LPP: variants seen among roughly 807,000 people sequenced by gnomAD.
LPP encodes lipoma-preferred partner.
A neutral mutation model predicts 60.4 loss-of-function variants in LPP; 38 were observed. The ratio of observed to expected loss-of-function variants is 0.63; its 90% confidence interval spans 0.49 to 0.83. The LOEUF is 0.83. Among genes scored for constraint, LPP ranks in the 40% least tolerant of loss-of-function variants. The pLI, the probability that LPP is intolerant of heterozygous loss-of-function variation, is 0.00. For missense variants in LPP, 902 were observed against 783.6 expected (o/e 1.15, Z -1.80); for synonymous variants, 328 against 290.8 (o/e 1.13, Z -1.30).
chr3:188,419,530 C>T (rs773037648), intron 4 of LPP, among the ~76,000 whole-genome samples: 1 of 152,140 alleles, frequency 6.6e-6, no homozygotes, highest in Non-Finnish European at 1.5e-5. Context: ...TTGATTTTAC[C>T]TCTTAATTCT....
rs531425400 is a variant in LPP, at chr3:188,351,167, C to T, written c.-10+9448C>T. ...GTTCCCTGTAGCTCCTGGCACAGGG[C>T]CCCAGACATAGTGCTCAGTAGAGAA... On this transcript the variant is annotated intron_variant, in intron 3 of 11. Transcript: ENST00000617246. Among the ~76,000 whole-genome samples, 4 of 152,314 alleles carry T rather than the reference C, an allele frequency of 2.6e-5. No individual in the cohort carries two copies. In the East Asian group the frequency reaches 7.7e-4, roughly 29 times the overall value.
chr3:188,415,213 A>G (rs1038139992), intron 4 of LPP, among the ~76,000 whole-genome samples: 3 of 152,134 alleles, frequency 2.0e-5, no homozygotes, highest in Non-Finnish European at 4.4e-5. Context: ...TTTTTTGATA[A>G]TAAAAATAAA....
intron 9 of LPP, among the ~76,000 whole-genome samples, chr3:188,776,882 C>T (rs1305039565): frequency 6.6e-6 from 1 of 152,124 alleles, no homozygotes; most frequent in African/African-American, 2.4e-5. Flanking sequence ...ATGTGAATTT[C>T]CTAAATCACA....
At chr3:188,754,528 AC>A (rs1423679402) in intron 8 of LPP, among the ~76,000 whole-genome samples, 6 of 152,096 alleles carry the variant, frequency 3.9e-5, no homozygotes, top group African/African-American at 1.4e-4. Context: ...AGAAATAGGC[AC>A]CCCCAGAACA....
At chr3:188,729,991 A>G (rs150686676) in intron 8 of LPP, among the ~76,000 whole-genome samples, 1,882 of 152,264 alleles carry the variant, frequency 0.012, 23 homozygotes, top group Admixed American at 0.028. Flanking sequence ...CCCTGTCTCC[A>G]AAAAAAGAAT....
intron 9 of LPP, among the ~76,000 whole-genome samples, chr3:188,772,205 G>T (rs1338699239): frequency 6.6e-6 from 1 of 152,108 alleles, no homozygotes; most frequent in African/African-American, 2.4e-5. Context: ...CCAAGGTGAG[G>T]ACTCTTCTCC....
At chr3:188,425,357 A>G (rs1789002949) in intron 4 of LPP, among the ~76,000 whole-genome samples, 1 of 152,086 alleles carries the variant, frequency 6.6e-6, no homozygotes, top group African/African-American at 2.4e-5. Flanking sequence ...CAGTATTTTT[A>G]TTGAGGATTT....
intron 7 of LPP, among the ~76,000 whole-genome samples, chr3:188,676,541 T>A (rs1341727781): frequency 6.6e-6 from 1 of 152,228 alleles, no homozygotes; most frequent in African/African-American, 2.4e-5. Context: ...TTGTTATATG[T>A]CTTTGTACTT....
chr3:188,515,678 T>C (rs529992441), intron 5 of LPP, among the ~76,000 whole-genome samples: 1 of 152,334 alleles, frequency 6.6e-6, no homozygotes, highest in East Asian at 1.9e-4. Flanking sequence ...TGCGACAACT[T>C]TTCCCACTGC....
At chr3:188,239,160 G>C (rs1472048447) in intron 2 of LPP, among the ~76,000 whole-genome samples, 1 of 152,220 alleles carries the variant, frequency 6.6e-6, no homozygotes, top group Non-Finnish European at 1.5e-5. Context: ...CCATGGCAGA[G>C]GGCTCTCCAC....
intron 8 of LPP, among the ~76,000 whole-genome samples, chr3:188,735,159 G>A (rs1722051169): frequency 6.6e-6 from 1 of 151,912 alleles, no homozygotes; most frequent in Non-Finnish European, 1.5e-5. Flanking sequence ...CTGACATTGA[G>A]TTTTCTTAGC....
chr3:188,156,929 C>T (rs999624822), intron 1 of LPP, among the ~76,000 whole-genome samples: 2 of 151,536 alleles, frequency 1.3e-5, no homozygotes, highest in African/African-American at 4.9e-5. Context: ...CTATTACGTA[C>T]CATTGGCAAA....
intron 4 of LPP, among the ~76,000 whole-genome samples, chr3:188,407,244 T>A (rs912194570): frequency 3.9e-5 from 6 of 152,208 alleles, no homozygotes; most frequent in Non-Finnish European, 1.5e-5. Context: ...TGGATGACAT[T>A]AATGTTTGTT....
chr3:188,384,001 G>C (rs1296925033), intron 3 of LPP, among the ~76,000 whole-genome samples: 1 of 152,072 alleles, frequency 6.6e-6, no homozygotes, highest in Non-Finnish European at 1.5e-5. Context: ...TGTTTTACAC[G>C]TTCCTCTCCT....
intron 2 of LPP, among the ~76,000 whole-genome samples, chr3:188,266,296 C>G (rs923323586): frequency 6.6e-6 from 1 of 152,166 alleles, no homozygotes; most frequent in African/African-American, 2.4e-5. Context: ...ACAGCGAGAA[C>G]AAGAAGTGTT....
intron 9 of LPP, among the ~76,000 whole-genome samples, chr3:188,778,992 G>A (rs562576619): frequency 1.6e-4 from 24 of 152,084 alleles, no homozygotes; most frequent in African/African-American, 5.1e-4. Context: ...GAATTTGAGA[G>A]TAATTTATGG....
chr3:188,466,019 C>G (rs1579114457), intron 4 of LPP, among the ~76,000 whole-genome samples: 1 of 152,104 alleles, frequency 6.6e-6, no homozygotes, highest in East Asian at 1.9e-4. Context: ...TTTAGGGATT[C>G]CTGGCAGGGC....
chr3:188,731,884 C>A (rs977308284), intron 8 of LPP, among the ~76,000 whole-genome samples: 1 of 152,092 alleles, frequency 6.6e-6, no homozygotes, highest in Non-Finnish European at 1.5e-5. Flanking sequence ...TTCCTTTTTC[C>A]TACTTCCCTA....
chr3:188,734,953 G>A (rs925746903), intron 8 of LPP, among the ~76,000 whole-genome samples: 5 of 152,152 alleles, frequency 3.3e-5, no homozygotes, highest in African/African-American at 7.2e-5. Context: ...TAATCTACAC[G>A]TGAACCCAGC....
Sources: gnomAD v4.1 joint callset for allele counts (sites outside exome capture counted in the v4.1 genomes callset) on GRCh38, gnomAD v4.1.1 for gene constraint, MANE v1.5 for transcripts, NCBI Gene and HGNC (gene_info 2026-07-23, HGNC 2026-07-21) for gene names.